Variants in AP4S1 observed in about 807,000 individuals in gnomAD.
AP4S1 encodes the protein adaptor related protein complex 4 subunit sigma 1.
AP4S1 carries 23 observed loss-of-function variants against 19.8 expected under a neutral mutation model. The observed-to-expected ratio is 1.16, with a 90% CI of 0.84 to 1.65. The LOEUF (loss-of-function observed/expected upper bound fraction) is 1.65. Among genes scored for constraint, AP4S1 ranks in the 40% most tolerant of loss-of-function variants. AP4S1 has a pLI of 0.00. For synonymous variants in AP4S1, 46 were observed against 54.1 expected, an observed-to-expected ratio of 0.85 and a Z score of 0.66; for missense variants, 166 against 172.8, an observed-to-expected ratio of 0.96 and a Z score of 0.22.
rs1317174340 is a variant in AP4S1 at position 31,096,281 on chromosome 14, C to T, written c.*3246C>T. The T allele has an allele frequency of 2.6e-5, 4 of 151,914 alleles. No homozygotes were observed. Among genetic ancestry groups the T allele is most frequent in the African/African-American group, 9.7e-5 (4 of 41,310 alleles). 9.4% of individuals were successfully genotyped at this position (151,914 alleles called of 1,614,324 possible). ...AAACCTTTCTATATGCTTTTGCTACCCCGTTAACAGAAGAATATACAGAAC... is the reference window on the plus strand; with the variant it reads ...AAACCTTTCTATATGCTTTTGCTACTCCGTTAACAGAAGAATATACAGAAC... On this transcript the variant is annotated 3_prime_UTR_variant, in exon 6 of 6. Transcript: ENST00000542754.
In AP4S1 at chr14:31,085,762, A is replaced by G. The variant is rs1594715141; in HGVS notation, c.306+5178A>G. 9.6e-6 allele frequency: 9 copies of G among 941,170 alleles called. 1 individual carries two copies. In the South Asian group the frequency reaches 3.9e-4, roughly 41 times the overall value. The allele number at this position is 941,170 out of a possible 1,614,324, so 58.3% of individuals were successfully genotyped here. The stretch of plus-strand genomic sequence containing the variant: ...CACTCCAATCTGGCAACAGAGCGAG[A>G]CCTTGTCTTTAAAAATAAAAATAAA... On this transcript the variant is annotated intron_variant, in intron 5 of 5. Coordinates refer to ENST00000542754, the MANE Select transcript of AP4S1 (RefSeq NM_001128126.3).
rs186557679 is a variant in AP4S1, at chr14:31,055,862, G to A, written c.-71-10264G>A. On this transcript the variant is annotated intron_variant, in intron 1 of 5. Transcript: ENST00000542754. ...TTCTTTTTTCTTTTTTTGTTTTTTT[G>A]AGACGGAGTCTCACTCTGTTACCCA... Among the ~76,000 whole-genome samples the A allele has an allele frequency of 3.1e-3, 381 of 124,746 alleles. 1 individual carries two copies. The highest frequency in any genetic ancestry group is 0.011 in the African/African-American group (369 of 33,300). 81.8% of individuals were successfully genotyped at this position (124,746 alleles called of 152,430 possible). A position where few individuals can be genotyped will look rare whatever the true frequency, so the allele number is the denominator to read the frequency against.
At chr14:31,054,183 A>T (rs770874645) in intron 1 of AP4S1, among the ~76,000 whole-genome samples, 3 of 152,188 alleles carry the variant, frequency 2.0e-5, no homozygotes, top group Admixed American at 6.6e-5. Flanking sequence ...GAAGAAGTTC[A>T]CGTTCTGGTA....
At chr14:31,028,468 A>G (rs1418694560) in intron 1 of AP4S1, among the ~76,000 whole-genome samples, 1 of 152,128 alleles carries the variant, frequency 6.6e-6, no homozygotes, top group African/African-American at 2.4e-5. Flanking sequence ...TCTTCAAATT[A>G]TTAAAGTACT....
At chr14:31,027,228 A>C (rs984952512) in intron 1 of AP4S1, 1 of 152,182 alleles carries the variant, frequency 6.6e-6, no homozygotes, top group South Asian at 2.1e-4. Flanking sequence ...GAGACTGGCT[A>C]GACTAACAAT....
intron 4 of AP4S1, among the ~76,000 whole-genome samples, chr14:31,076,186 C>T (rs1030646318): frequency 9.9e-5 from 15 of 152,174 alleles, no homozygotes; most frequent in African/African-American, 3.6e-4. Flanking sequence ...TACCTAGGAG[C>T]AGAATGTGGT....
At chr14:31,084,341 G>A (rs557546183) in intron 5 of AP4S1, among the ~76,000 whole-genome samples, 1 of 152,318 alleles carries the variant, frequency 6.6e-6, no homozygotes, top group South Asian at 2.1e-4. Flanking sequence ...CTGAGAACCT[G>A]TACAGTTAGA....
chr14:31,033,507 C>T (rs1014035483), intron 1 of AP4S1, among the ~76,000 whole-genome samples: 3 of 152,146 alleles, frequency 2.0e-5, no homozygotes, highest in South Asian at 2.1e-4. Flanking sequence ...CCACTCCGCC[C>T]GCCACAGTGT....
chr14:31,051,605 C>G (rs8021054), intron 1 of AP4S1, among the ~76,000 whole-genome samples: 153 of 152,188 alleles, frequency 1.0e-3, no homozygotes, highest in Middle Eastern at 6.8e-3. Flanking sequence ...TTTGATTTTG[C>G]GACTTAACAT....
chr14:31,049,136 G>C (rs906943103), intron 1 of AP4S1, among the ~76,000 whole-genome samples: 5 of 151,128 alleles, frequency 3.3e-5, no homozygotes, highest in Non-Finnish European at 5.9e-5. Flanking sequence ...CAGGCATGCC[G>C]GGCGTGGTGG....
Position 31,072,910 on chromosome 14 carries a change from G to C in AP4S1, c.231G>C (p.Glu77Asp). The change falls in exon 4 of 6, where the codon GAG becomes GAC. Residue 77 changes from glutamate to aspartate, a missense_variant. Transcript: ENST00000542754. ...IVVGVNDTEN[E>D]MAIYEFIHNF... ...CCTTTCTTCTTTTATTGTAGAACGA[G>C]ATGGCTATTTATGAATTCATTCATA... 6.2e-7 allele frequency: 1 copy of C among 1,612,908 alleles called. No homozygotes were observed. Among genetic ancestry groups the C allele is most frequent in the African/African-American group, 1.3e-5 (1 of 74,994 alleles).
intron 1 of AP4S1, among the ~76,000 whole-genome samples, chr14:31,044,552 T>TG (rs1294719344): frequency 6.6e-6 from 1 of 151,874 alleles, no homozygotes; most frequent in Non-Finnish European, 1.5e-5. Flanking sequence ...CTTGCTATGT[T>TG]GCCTAGTCTG....
chr14:31,073,059 T>C, intron 4 of AP4S1, 86 bp downstream of exon 4: 1 of 1,119,750 alleles, frequency 8.9e-7, no homozygotes, highest in Non-Finnish European at 1.4e-6. Context: ...CAAGAACATG[T>C]GTTAATACAG....
intron 1 of AP4S1, among the ~76,000 whole-genome samples, chr14:31,031,364 C>T (rs1419494753): frequency 6.6e-6 from 1 of 152,130 alleles, no homozygotes; most frequent in East Asian, 1.9e-4. Flanking sequence ...AAGGGAAGGA[C>T]CTCTACCCCT....
intron 5 of AP4S1, 76 bp from the exon 6 acceptor site, chr14:31,092,829 ACT>A: frequency 9.1e-7 from 1 of 1,095,598 alleles, no homozygotes; most frequent in Non-Finnish European, 1.3e-6. Context: ...CACTGGGAAC[ACT>A]CTAGGTTAAG....
intron 1 of AP4S1, among the ~76,000 whole-genome samples, chr14:31,046,487 C>T (rs1885411534): frequency 6.6e-6 from 1 of 151,832 alleles, no homozygotes; most frequent in South Asian, 2.1e-4. Context: ...ATGGATATAC[C>T]ATGTTTTGTT....
At chr14:31,052,344 A>G (rs1006176469) in intron 1 of AP4S1, among the ~76,000 whole-genome samples, 2 of 152,134 alleles carry the variant, frequency 1.3e-5, no homozygotes, top group Non-Finnish European at 2.9e-5. Context: ...ATGTTTCACT[A>G]TTTATAATGT....
At chr14:31,073,377 C>CACTT in intron 4 of AP4S1, among the ~76,000 whole-genome samples, 1 of 133,594 alleles carries the variant, frequency 7.5e-6, no homozygotes, top group African/African-American at 2.6e-5. Flanking sequence ...GTAGTCCCAG[C>CACTT]TACTCCGGAG....
At chr14:31,063,500 C>T (rs956817823) in intron 1 of AP4S1, among the ~76,000 whole-genome samples, 1 of 152,074 alleles carries the variant, frequency 6.6e-6, no homozygotes, top group Non-Finnish European at 1.5e-5. Context: ...GTCCCAGCTA[C>T]TCCCAGCTAC....
Sources: gnomAD v4.1 joint callset for allele counts (sites outside exome capture counted in the v4.1 genomes callset) on GRCh38, gnomAD v4.1.1 for gene constraint, MANE v1.5 for transcripts, NCBI Gene and HGNC (gene_info 2026-07-23, HGNC 2026-07-21) for gene names.